The following NUP37 variants were observed in gnomAD, a reference collection of about 807,000 sequenced individuals.
NUP37 encodes nucleoporin 37.
Under a neutral mutation model 45.4 loss-of-function variants are expected in NUP37, and 33 were observed. The observed-to-expected ratio is 0.73, with a 90% CI of 0.55 to 0.97. NUP37 has a LOEUF of 0.97. NUP37 is among the 50% of genes least tolerant of loss of function. The pLI is 0.00. For synonymous variants in NUP37, 127 were observed against 130.7 expected (o/e 0.97, Z 0.19); for missense variants, 365 against 389.7 (o/e 0.94, Z 0.53).
intron 6 of NUP37, among the ~76,000 whole-genome samples, chr12:102,079,944 G>A (rs887256199): frequency 6.6e-6 from 1 of 152,144 alleles, no homozygotes; most frequent in African/African-American, 2.4e-5. Flanking sequence ...GACTAAAGAA[G>A]TGCTATGAGC....
chr12:102,110,801 T>A (rs985799770), intron 3 of NUP37, among the ~76,000 whole-genome samples: 2 of 152,124 alleles, frequency 1.3e-5, no homozygotes, highest in African/African-American at 4.8e-5. Context: ...GTGGAGATGG[T>A]GCCACTGTAC....
chr12:102,079,744 C>T (rs1879279157), intron 6 of NUP37, among the ~76,000 whole-genome samples: 1 of 151,946 alleles, frequency 6.6e-6, no homozygotes, highest in Non-Finnish European at 1.5e-5. Flanking sequence ...AAATTTTACA[C>T]AGTAAAATTA....
At chr12:102,117,000 T>TCAAAA (rs1349900204) in intron 2 of NUP37, among the ~76,000 whole-genome samples, 4 of 152,174 alleles carry the variant, frequency 2.6e-5, no homozygotes, top group East Asian at 3.9e-4. Context: ...AGACTCCGTC[T>TCAAAA]CAAAACAAAA....
At chr12:102,080,832 C>T (rs961958608) in intron 6 of NUP37, among the ~76,000 whole-genome samples, 1 of 151,980 alleles carries the variant, frequency 6.6e-6, no homozygotes, top group East Asian at 1.9e-4. Context: ...GGTAAGAGAT[C>T]GAGGAAAATT....
intron 9 of NUP37, 136 bp from the exon 10 acceptor site, chr12:102,074,603 C>T (rs1879116585): frequency 1.7e-6 from 1 of 600,382 alleles, no homozygotes. Flanking sequence ...TGCTCCCTTA[C>T]AGGTGAAATA....
chr12:102,079,520 T>G (rs1481208659), intron 6 of NUP37, among the ~76,000 whole-genome samples: 1 of 152,192 alleles, frequency 6.6e-6, no homozygotes, highest in Non-Finnish European at 1.5e-5. Context: ...GATCAATACG[T>G]AGCTTTTGAA....
chr12:102,103,776 C>T (rs1462218882), intron 3 of NUP37, among the ~76,000 whole-genome samples: 1 of 152,100 alleles, frequency 6.6e-6, no homozygotes, highest in Non-Finnish European at 1.5e-5. Flanking sequence ...AAAACCACAT[C>T]ATCTCAAAAG....
chr12:102,090,683 T>G (rs1405830146), intron 5 of NUP37, among the ~76,000 whole-genome samples: 1 of 152,232 alleles, frequency 6.6e-6, no homozygotes, highest in Non-Finnish European at 1.5e-5. Context: ...AGAAGTATTC[T>G]GAATTAAGAC....
intron 3 of NUP37, among the ~76,000 whole-genome samples, chr12:102,104,148 T>C (rs1480968797): frequency 3.3e-5 from 5 of 152,204 alleles, no homozygotes; most frequent in African/African-American, 1.2e-4. Flanking sequence ...TCTGCTTTTC[T>C]AGTAGTGGCA....
intron 3 of NUP37, among the ~76,000 whole-genome samples, chr12:102,107,780 G>A (rs1045284152): frequency 7.2e-5 from 11 of 152,098 alleles, no homozygotes; most frequent in African/African-American, 2.7e-4. Context: ...ATATTCATAA[G>A]AAAGTTCATA....
At chr12:102,088,499 C>A (rs1229616460) in intron 5 of NUP37, among the ~76,000 whole-genome samples, 1 of 152,126 alleles carries the variant, frequency 6.6e-6, no homozygotes, top group Non-Finnish European at 1.5e-5. Context: ...CTCATACTTC[C>A]TTACTGTCTC....
intron 3 of NUP37, among the ~76,000 whole-genome samples, chr12:102,107,149 T>C (rs988107432): frequency 2.0e-5 from 3 of 152,250 alleles, no homozygotes; most frequent in Admixed American, 6.5e-5. Context: ...CTTGCAATAC[T>C]TGTTGTCTTA....
chr12:102,074,430 A>G lies in NUP37; in HGVS notation c.905T>C (p.Leu302Pro). The change falls in exon 10 of 10, where the codon CTG becomes CCG. Residue 302 changes from leucine (L) to proline (P), a missense_variant. Transcript: ENST00000552283. ...LMGSVAVGSG[L>P]SWHRTLPLCV... is the part of the protein sequence containing the mutation. Reference sequence around the variant, plus strand: ...CAGAGGGAGAGTTCGATGCCAGGACAGTCCAGATCCAACGGCTACAGAACC... The same window carrying G: ...CAGAGGGAGAGTTCGATGCCAGGACGGTCCAGATCCAACGGCTACAGAACC... The G allele has an allele frequency of 6.2e-7, 1 of 1,611,840 alleles. No individual in the cohort carries two copies. Among genetic ancestry groups the G allele is most frequent in the Non-Finnish European group, 8.5e-7 (1 of 1,178,614 alleles).
intron 5 of NUP37, among the ~76,000 whole-genome samples, chr12:102,093,654 C>G (rs1008807971): frequency 6.6e-6 from 1 of 151,874 alleles, no homozygotes; most frequent in Non-Finnish European, 1.5e-5. Flanking sequence ...TCATTTTTTC[C>G]AAGAAAAATT....
At chr12:102,077,777 G>A (rs1199066433) in intron 6 of NUP37, among the ~76,000 whole-genome samples, 3 of 152,058 alleles carry the variant, frequency 2.0e-5, no homozygotes, top group Non-Finnish European at 4.4e-5. Context: ...ATTATCATCA[G>A]GTCATGTGTA....
At chr12:102,083,060 T>G (rs1013440405) in intron 6 of NUP37, among the ~76,000 whole-genome samples, 1 of 152,090 alleles carries the variant, frequency 6.6e-6, no homozygotes. Flanking sequence ...TTTAATGATA[T>G]GTAGGAGAAA....
At chr12:102,085,894 G>C in intron 5 of NUP37, 38 bp from the exon 6 acceptor site, 2 of 972,718 alleles carry the variant, frequency 2.1e-6, no homozygotes, top group Non-Finnish European at 3.1e-6. Context: ...AATTGTTCTT[G>C]ATATATCATT....
At chr12:102,111,474 G>A (rs1289511741) in intron 3 of NUP37, among the ~76,000 whole-genome samples, 1 of 152,178 alleles carries the variant, frequency 6.6e-6, no homozygotes, top group Non-Finnish European at 1.5e-5. Context: ...TAGCTTAATA[G>A]TTGATAACTT....
chr12:102,077,882 A>C (rs1325641551), intron 6 of NUP37, among the ~76,000 whole-genome samples: 1 of 152,216 alleles, frequency 6.6e-6, no homozygotes, highest in African/African-American at 2.4e-5. Context: ...AAAATGCAAA[A>C]AATTCCAAAA....
Sources: allele counts gnomAD v4.1 joint callset (sites outside exome capture counted in the v4.1 genomes callset), GRCh38; gene constraint gnomAD v4.1.1; transcripts MANE v1.5; gene names NCBI Gene and HGNC (gene_info 2026-07-23, HGNC 2026-07-21).